The following CEP128 variants were observed in gnomAD, a reference collection of about 807,000 sequenced individuals.
CEP128 encodes centrosomal protein 128, also known as centrosomal protein 128kDa.
A neutral mutation model predicts 156.7 loss-of-function variants in CEP128; 132 were observed. The observed-to-expected ratio is 0.84, with a 90% CI of 0.73 to 0.97. The LOEUF (loss-of-function observed/expected upper bound fraction) is 0.97, where lower values mean the gene tolerates loss of function less well. Ranked by LOEUF, CEP128 falls within the 50% of genes least tolerant of loss-of-function variation. The pLI is 0.00. For missense variants in CEP128, 1,252 were observed against 1,281.9 expected (o/e 0.98, Z 0.36); for synonymous variants, 469 against 448.9 (o/e 1.04, Z -0.57).
At chr14:80,586,983 T>C (rs1365407376) in intron 19 of CEP128, among the ~76,000 whole-genome samples, 2 of 152,180 alleles carry the variant, frequency 1.3e-5, no homozygotes, top group African/African-American at 2.4e-5. Context: ...TCAGTTAATA[T>C]ATGTAAAACA....
intron 19 of CEP128, among the ~76,000 whole-genome samples, chr14:80,648,140 G>C (rs1894741541): frequency 6.6e-6 from 1 of 151,934 alleles, no homozygotes; most frequent in South Asian, 2.1e-4. Context: ...CAGCAACTTT[G>C]TGGAATGAAA....
intron 22 of CEP128, among the ~76,000 whole-genome samples, chr14:80,529,992 C>T (rs1889153185): frequency 1.3e-5 from 2 of 152,300 alleles, no homozygotes; most frequent in East Asian, 1.9e-4. Flanking sequence ...TTCCTATCCA[C>T]TGTATCTTCA....
intron 19 of CEP128, among the ~76,000 whole-genome samples, chr14:80,585,969 T>G (rs1469297038): frequency 1.3e-5 from 2 of 152,186 alleles, no homozygotes; most frequent in Non-Finnish European, 2.9e-5. Flanking sequence ...CTTCTATTAT[T>G]CCATTCCAGA....
chr14:80,688,160 G>C (rs143857035), intron 19 of CEP128, among the ~76,000 whole-genome samples: 2 of 152,070 alleles, frequency 1.3e-5, no homozygotes, highest in African/African-American at 4.8e-5. Flanking sequence ...CAAACTGCCT[G>C]AGTCTCTAAA....
chr14:80,921,091 A>G (rs1181273234), intron 2 of CEP128, among the ~76,000 whole-genome samples: 5 of 152,242 alleles, frequency 3.3e-5, no homozygotes, highest in Non-Finnish European at 5.9e-5. Flanking sequence ...TTTCTGAAGA[A>G]CATTTAATGA....
intron 19 of CEP128, among the ~76,000 whole-genome samples, chr14:80,688,904 G>T (rs767103241): frequency 3.3e-5 from 5 of 152,002 alleles, no homozygotes; most frequent in Non-Finnish European, 5.9e-5. Flanking sequence ...TCCTTTTGGG[G>T]GCAGACATTA....
At chr14:80,685,390 A>T (rs1053123081) in intron 19 of CEP128, among the ~76,000 whole-genome samples, 2 of 152,138 alleles carry the variant, frequency 1.3e-5, no homozygotes, top group Admixed American at 1.3e-4. Context: ...CTAACCGAAG[A>T]AGTAAAATAT....
At chr14:80,586,654 A>G (rs1891833741) in intron 19 of CEP128, among the ~76,000 whole-genome samples, 1 of 152,208 alleles carries the variant, frequency 6.6e-6, no homozygotes, top group South Asian at 2.1e-4. Context: ...CACAGTTACC[A>G]ACTGTCCACG....
chr14:80,723,991 T>C (rs936795016), intron 19 of CEP128, among the ~76,000 whole-genome samples: 27 of 151,760 alleles, frequency 1.8e-4, no homozygotes, highest in African/African-American at 6.3e-4. Context: ...GAAGTTAGCT[T>C]GTAGAAACAG....
In CEP128 at chr14:80,762,139, C is replaced by T. The variant is rs186776400; in HGVS notation, c.2377-526G>A. 4.4e-3 allele frequency among the ~76,000 whole-genome samples: 673 copies of T among 152,016 alleles called. 3 individuals carry two copies. The highest frequency in any genetic ancestry group is 8.0e-3 in the Non-Finnish European group (543 of 67,980). ...ATTTACCACATAAATGCTTTTGAGT[C>T]GTGAAAATTTGATAAAAGAAAGATG... On this transcript the variant is annotated intron_variant, in intron 16 of 24. Transcript: ENST00000555265.
At chr14:80,783,673 A>G (rs1901244335) in intron 15 of CEP128, among the ~76,000 whole-genome samples, 1 of 152,222 alleles carries the variant, frequency 6.6e-6, no homozygotes, top group South Asian at 2.1e-4. Context: ...ACTATTCCAT[A>G]GTTCATCAAC....
At chr14:80,523,991 T>C (rs532950779) in intron 23 of CEP128, among the ~76,000 whole-genome samples, 7 of 152,226 alleles carry the variant, frequency 4.6e-5, no homozygotes, top group Non-Finnish European at 8.8e-5. Context: ...ATGAGTGTGG[T>C]TGTATTCCAA....
At chr14:80,553,051 T>G (rs1327890254) in intron 21 of CEP128, among the ~76,000 whole-genome samples, 1 of 150,376 alleles carries the variant, frequency 6.6e-6, no homozygotes, top group Non-Finnish European at 1.5e-5. Flanking sequence ...CGGTTTACCA[T>G]TCACATTTCG....
At chr14:80,648,817 T>C (rs2140837864) in intron 19 of CEP128, among the ~76,000 whole-genome samples, 1 of 152,172 alleles carries the variant, frequency 6.6e-6, no homozygotes, top group Middle Eastern at 3.4e-3. Context: ...ACTATACTGC[T>C]TGCCTCTGTG....
chr14:80,787,854 A>G (rs1305050420), intron 14 of CEP128, among the ~76,000 whole-genome samples: 1 of 152,198 alleles, frequency 6.6e-6, no homozygotes, highest in Non-Finnish European at 1.5e-5. Context: ...ATTAAAAAGC[A>G]AAGATATTTC....
intron 2 of CEP128, among the ~76,000 whole-genome samples, chr14:80,928,989 TA>T (rs1314342532): frequency 6.6e-6 from 1 of 151,806 alleles, no homozygotes; most frequent in East Asian, 1.9e-4. Flanking sequence ...AACAAAGGGC[TA>T]ATATCCAGAA....
chr14:80,647,011 A>ATATG lies in CEP128; in HGVS notation c.2807-66589_2807-66588insCATA, dbSNP rs1233103116. On this transcript the variant is annotated intron_variant, in intron 19 of 24. Transcript: ENST00000555265. ...TTATAAGAAATATATATATATATAT[A>ATATG]TGTGTGTGTATATATATGTGTGCAT... is the stretch of plus-strand genomic sequence containing the variant. Among the ~76,000 whole-genome samples the ATATG allele has an allele frequency of 9.5e-4, 69 of 72,534 alleles. 8 individuals carry two copies. The highest frequency in any genetic ancestry group is 8.9e-3 in the Middle Eastern group (1 of 112). The allele number at this position is 72,534 out of a possible 152,430, so 47.6% of individuals were successfully genotyped here.
intron 22 of CEP128, among the ~76,000 whole-genome samples, chr14:80,528,957 T>C (rs1389031560): frequency 2.0e-5 from 3 of 152,346 alleles, no homozygotes; most frequent in African/African-American, 7.2e-5. Flanking sequence ...TTTTATTAAC[T>C]TGATTAAAAT....
chr14:80,927,461 G>A (rs1885213665), intron 2 of CEP128, among the ~76,000 whole-genome samples: 1 of 152,194 alleles, frequency 6.6e-6, no homozygotes, highest in Admixed American at 6.5e-5. Context: ...TAACACTTCA[G>A]GGTGACTGCA....
Sources: gnomAD v4.1 joint callset for allele counts (sites outside exome capture counted in the v4.1 genomes callset) on GRCh38, gnomAD v4.1.1 for gene constraint, MANE v1.5 for transcripts, NCBI Gene and HGNC (gene_info 2026-07-23, HGNC 2026-07-21) for gene names.